CCDC148: variants seen among roughly 807,000 people sequenced by gnomAD.
The protein encoded by CCDC148 is coiled-coil domain-containing protein 148.
Under a neutral mutation model 85.7 loss-of-function variants are expected in CCDC148, and 89 were observed. The observed-to-expected ratio is 1.04, with a 90% CI of 0.87 to 1.24. CCDC148 has a LOEUF of 1.24. Among genes scored for constraint, CCDC148 ranks in the 50% most tolerant of loss-of-function variants. The pLI is 0.00. For missense variants in CCDC148, 692 were observed against 671.7 expected (o/e 1.03, Z -0.33); for synonymous variants, 230 against 213.9 (o/e 1.08, Z -0.66).
intron 7 of CCDC148, among the ~76,000 whole-genome samples, chr2:158,318,765 A>T (rs1692397688): frequency 6.9e-6 from 1 of 145,708 alleles, no homozygotes; most frequent in African/African-American, 2.6e-5. Flanking sequence ...GAGATAAAAT[A>T]GCCTTTTACT....
At chr2:158,358,403 T>C (rs753152279) in intron 2 of CCDC148, 46 bp downstream of exon 2, 38 of 1,580,706 alleles carry the variant, frequency 2.4e-5, no homozygotes, top group Non-Finnish European at 3.2e-5. Context: ...TTCCAGCAAT[T>C]CGATTTTCTA....
chr2:158,224,752 C>T (rs1332505697), intron 10 of CCDC148, among the ~76,000 whole-genome samples: 1 of 152,158 alleles, frequency 6.6e-6, no homozygotes, highest in Non-Finnish European at 1.5e-5. Flanking sequence ...CAAGCAAATG[C>T]TGAGAGATTT....
chr2:158,415,565 A>G (rs1046862909), intron 1 of CCDC148, among the ~76,000 whole-genome samples: 3 of 152,192 alleles, frequency 2.0e-5, no homozygotes, highest in African/African-American at 7.2e-5. Flanking sequence ...GCATTAACTC[A>G]AAAGTCCACA....
chr2:158,434,338 T>C (rs898490157), intron 1 of CCDC148, among the ~76,000 whole-genome samples: 4 of 152,168 alleles, frequency 2.6e-5, no homozygotes, highest in African/African-American at 9.7e-5. Flanking sequence ...CAGCCTCCAC[T>C]GGTGATACCC....
chr2:158,179,934 T>C (rs948627729), intron 11 of CCDC148, among the ~76,000 whole-genome samples: 1 of 152,130 alleles, frequency 6.6e-6, no homozygotes, highest in South Asian at 2.1e-4. Context: ...CCCACTTAAA[T>C]ACCAGCTTAA....
chr2:158,449,540 T>C (rs1230688471), intron 1 of CCDC148, among the ~76,000 whole-genome samples: 2 of 151,806 alleles, frequency 1.3e-5, no homozygotes, highest in Non-Finnish European at 2.9e-5. Flanking sequence ...CCCCACCTCC[T>C]GGGTTCAAGC....
Position 158,176,547 on chromosome 2 carries a change from T to G in CCDC148, c.1603A>C (p.Thr535Pro), listed in dbSNP as rs765239755. 1.1e-5 allele frequency: 17 copies of G among 1,612,066 alleles called. No homozygotes were observed. In the Admixed American group the frequency reaches 2.8e-4, roughly 27 times the overall value. Residue 535 changes from threonine to proline, a missense_variant, in exon 13 of 14, where the codon ACA (threonine) becomes CCA (proline). Thr to Pro is a conservative substitution (Grantham distance 38). Coordinates refer to ENST00000283233, the MANE Select transcript of CCDC148 (RefSeq NM_138803.4). Reference protein sequence around the residue: ...EEFILQKPLFTLNTYNEQQII... With the variant: ...EEFILQKPLFPLNTYNEQQII... ...TGCTGTTCATTGTATGTATTCAATG[T>G]GAAGAGTGGCTTTTGAAGAATAAAT...
chr2:158,272,675 A>G (rs1000150657), intron 9 of CCDC148, among the ~76,000 whole-genome samples: 1 of 152,160 alleles, frequency 6.6e-6, no homozygotes, highest in Non-Finnish European at 1.5e-5. Context: ...AGGCAGCCAA[A>G]TGCAGGTCTG....
At chr2:158,219,249 T>C (rs558843726) in intron 11 of CCDC148, among the ~76,000 whole-genome samples, 276 of 152,350 alleles carry the variant, frequency 1.8e-3, no homozygotes, top group Non-Finnish European at 2.7e-3. Flanking sequence ...AAATTTACTA[T>C]GATTTATGTT....
chr2:158,410,345 T>C (rs1686204954), intron 1 of CCDC148, among the ~76,000 whole-genome samples: 1 of 152,210 alleles, frequency 6.6e-6, no homozygotes, highest in Non-Finnish European at 1.5e-5. Flanking sequence ...AATCCATTTA[T>C]ATTTAATGTA....
At chr2:158,185,675 T>C (rs574086845) in intron 11 of CCDC148, among the ~76,000 whole-genome samples, 1 of 152,206 alleles carries the variant, frequency 6.6e-6, no homozygotes, top group East Asian at 1.9e-4. Flanking sequence ...AAATATCATA[T>C]TAGCTCATTC....
intron 1 of CCDC148, among the ~76,000 whole-genome samples, chr2:158,435,268 T>C (rs149186257): frequency 0.01 from 1,573 of 152,294 alleles, 10 homozygotes; most frequent in Non-Finnish European, 0.016. Flanking sequence ...ATCAGACTAA[T>C]AGCAGATCTC....
At chr2:158,442,225 G>A (rs1309040219) in intron 1 of CCDC148, among the ~76,000 whole-genome samples, 2 of 152,154 alleles carry the variant, frequency 1.3e-5, no homozygotes, top group Non-Finnish European at 2.9e-5. Context: ...TTTGCGGTTT[G>A]AAAGAGCTAA....
intron 11 of CCDC148, among the ~76,000 whole-genome samples, chr2:158,205,733 G>A (rs575680359): frequency 1.3e-5 from 2 of 152,280 alleles, no homozygotes; most frequent in African/African-American, 4.8e-5. Flanking sequence ...AGTCAGTTTA[G>A]TGAGTGATCT....
intron 9 of CCDC148, chr2:158,288,608 A>G (rs1211243535): frequency 5.7e-6 from 1 of 175,330 alleles, no homozygotes; most frequent in Admixed American, 6.2e-5. Flanking sequence ...TGTTCATATC[A>G]CTATCAGCAT....
intron 7 of CCDC148, among the ~76,000 whole-genome samples, chr2:158,331,670 C>T (rs1693131736): frequency 6.6e-6 from 1 of 152,256 alleles, no homozygotes; most frequent in South Asian, 2.1e-4. Context: ...TCAGGACTTG[C>T]TTTATGAATC....
chr2:158,191,158 A>G (rs1685406758), intron 11 of CCDC148, among the ~76,000 whole-genome samples: 1 of 152,028 alleles, frequency 6.6e-6, no homozygotes, highest in Admixed American at 6.6e-5. Context: ...CCGAGAGGGC[A>G]CTGAGACCAC....
At chr2:158,257,107 T>G (rs767956411) in intron 9 of CCDC148, among the ~76,000 whole-genome samples, 1 of 151,644 alleles carries the variant, frequency 6.6e-6, no homozygotes, top group Non-Finnish European at 1.5e-5. Flanking sequence ...ACCAGAGACA[T>G]GCTACCATTT....
chr2:158,334,447 T>C (rs182798147), intron 7 of CCDC148, among the ~76,000 whole-genome samples: 58 of 68,784 alleles, frequency 8.4e-4, no homozygotes, highest in African/African-American at 3.9e-3. Flanking sequence ...ACCAGAAGTC[T>C]CTATTTTCTA....
Sources: allele counts gnomAD v4.1 joint callset (sites outside exome capture counted in the v4.1 genomes callset), GRCh38; gene constraint gnomAD v4.1.1; transcripts MANE v1.5; gene names NCBI Gene and HGNC (gene_info 2026-07-23, HGNC 2026-07-21).